Variants in TPX2 observed in about 807,000 individuals in gnomAD.
TPX2 encodes the protein TPX2 microtubule nucleation factor.
In TPX2, 21 loss-of-function variants were observed where a neutral mutation model predicts 93.6. That is an observed-to-expected ratio of 0.22 (90% confidence interval 0.16 to 0.32). The LOEUF is 0.32. TPX2 is among the 10% of genes least tolerant of loss of function. TPX2 has a pLI of 1.00. For synonymous variants in TPX2, 281 were observed against 298.3 expected (o/e 0.94, Z 0.60); for missense variants, 776 against 871.1 (o/e 0.89, Z 1.37).
At position 31,782,678 on chromosome 20, in the gene TPX2, A is replaced by G. The variant is rs551732275; in HGVS notation, c.1196+288A>G. Among the ~76,000 whole-genome samples, 14 of 152,200 alleles carry G rather than the reference A, an allele frequency of 9.2e-5. No homozygotes were observed. The South Asian group carries it at 2.7e-3, about 29-fold the overall frequency. On this transcript the variant is annotated intron_variant, in intron 11 of 17. Coordinates refer to ENST00000300403, the MANE Select transcript of TPX2 (RefSeq NM_012112.5). ...CGAGGCAAGAGGATCACTTGAGTCC[A>G]GGAGTTTGAGACCAGCCTGGGCAAC... is the stretch of plus-strand genomic sequence containing the variant.
intron 2 of TPX2, among the ~76,000 whole-genome samples, chr20:31,752,892 G>A (rs1301522093): frequency 6.6e-6 from 1 of 152,130 alleles, no homozygotes; most frequent in African/African-American, 2.4e-5. Flanking sequence ...GAGGTTACAG[G>A]TGCGAGCCAC....
At chr20:31,793,762 A>G in intron 13 of TPX2, 86 bp from the exon 14 acceptor site, 19 of 1,267,046 alleles carry the variant, frequency 1.5e-5, no homozygotes, top group Non-Finnish European at 2.0e-5. Flanking sequence ...AATGCCACAT[A>G]TTAATATAAT....
intron 2 of TPX2, among the ~76,000 whole-genome samples, chr20:31,743,256 G>A (rs1332773609): frequency 6.6e-6 from 1 of 152,054 alleles, no homozygotes; most frequent in Non-Finnish European, 1.5e-5. Context: ...ATAAAATGAT[G>A]TGTAGTATTT....
chr20:31,788,402 A>G (rs1489539548), intron 12 of TPX2, among the ~76,000 whole-genome samples: 1 of 138,806 alleles, frequency 7.2e-6, no homozygotes, highest in Non-Finnish European at 1.5e-5. Context: ...TGGGCAACAG[A>G]GCGAGACTCT....
intron 15 of TPX2, among the ~76,000 whole-genome samples, chr20:31,796,992 T>C (rs1212616596): frequency 1.3e-5 from 2 of 151,694 alleles, no homozygotes; most frequent in African/African-American, 4.8e-5. Context: ...GTGTTTGGAA[T>C]CTTTTTTTTT....
At chr20:31,773,982 C>T (rs2061980368) in intron 7 of TPX2, among the ~76,000 whole-genome samples, 1 of 148,250 alleles carries the variant, frequency 6.7e-6, no homozygotes, top group Non-Finnish European at 1.5e-5. Flanking sequence ...AGTGATTCTC[C>T]TCCCTCAGCC....
chr20:31,764,196 G>GTC (rs1219220437), intron 4 of TPX2, among the ~76,000 whole-genome samples: 2 of 151,384 alleles, frequency 1.3e-5, no homozygotes, highest in Non-Finnish European at 2.9e-5. Context: ...TTGAGACAGG[G>GTC]TCTCACTCTG....
Position 31,780,565 on chromosome 20 carries a change from A to T in TPX2, c.1054+1581A>T, listed in dbSNP as rs868339609. On this transcript the variant is annotated intron_variant, in intron 10 of 17. Transcript: ENST00000300403. ...AAAGGAAAGAGAAATTATATTATGC[A>T]ATTTTTATTTAAAACTTTGTACAGT... Among the ~76,000 whole-genome samples, 4 of 152,220 alleles carry T rather than the reference A, an allele frequency of 2.6e-5. No homozygotes were observed. The South Asian group carries it at 8.3e-4, about 32-fold the overall frequency.
At chr20:31,797,605 T>C (rs1600396759) in intron 16 of TPX2, 90 bp downstream of exon 16, 2 of 1,171,014 alleles carry the variant, frequency 1.7e-6, no homozygotes, top group Non-Finnish European at 2.5e-6. Flanking sequence ...TACAATGCTG[T>C]GTCAACTAGA....
chr20:31,787,966 T>C (rs2062077190), intron 12 of TPX2, among the ~76,000 whole-genome samples: 1 of 152,192 alleles, frequency 6.6e-6, no homozygotes, highest in Non-Finnish European at 1.5e-5. Context: ...GGGAGGTATG[T>C]ACCTTTTTCA....
Position 31,782,329 on chromosome 20 carries a change from C to T in TPX2, c.1135C>T (p.Arg379Trp), listed in dbSNP as rs764950702. Reference sequence around the variant, plus strand: ...TGTACTGCAAACCAAACACCGTGCACGGGCTGTGACCTGCAAAAGTACAGC... The same window carrying T: ...TGTACTGCAAACCAAACACCGTGCATGGGCTGTGACCTGCAAAAGTACAGC... ...TPVLQTKHRA[R>W]AVTCKSTAEL... The change falls in exon 11 of 18, where the codon CGG becomes TGG. Residue 379 changes from arginine (R) to tryptophan (W), a missense_variant. Around this residue, in one of 3 missense-constraint regions of TPX2, gnomAD observed 461 missense variants for 551.2 expected, o/e 0.84. Transcript: ENST00000300403. 2.5e-5 allele frequency: 41 copies of T among 1,613,684 alleles called. No individual in the cohort carries two copies. The highest frequency in any genetic ancestry group is 1.1e-4 in the South Asian group (10 of 90,942).
intron 5 of TPX2, among the ~76,000 whole-genome samples, chr20:31,769,387 C>T (rs557345051): frequency 2.0e-5 from 3 of 148,544 alleles, no homozygotes; most frequent in Non-Finnish European, 4.4e-5. Context: ...GGTGCGATCT[C>T]GGTTCACTGC....
chr20:31,759,397 T>G (rs999016811), intron 3 of TPX2, among the ~76,000 whole-genome samples: 9 of 95,120 alleles, frequency 9.5e-5, no homozygotes, highest in South Asian at 5.6e-4. Flanking sequence ...TTTTCTTTCG[T>G]TTTTTTTTTT....
chr20:31,768,755 T>C (rs1479058410), intron 5 of TPX2, among the ~76,000 whole-genome samples: 2 of 152,144 alleles, frequency 1.3e-5, no homozygotes, highest in African/African-American at 4.8e-5. Flanking sequence ...TAGTAAAGAA[T>C]TGACAAGCCA....
At chr20:31,773,979 C>G (rs2061980314) in intron 7 of TPX2, among the ~76,000 whole-genome samples, 1 of 148,018 alleles carries the variant, frequency 6.8e-6, no homozygotes, top group Non-Finnish European at 1.5e-5. Flanking sequence ...TCAAGTGATT[C>G]TCCTCCCTCA....
At chr20:31,749,793 C>G (rs1485999344) in intron 2 of TPX2, among the ~76,000 whole-genome samples, 1 of 150,722 alleles carries the variant, frequency 6.6e-6, no homozygotes, top group African/African-American at 2.4e-5. Flanking sequence ...GAAACTCTGT[C>G]TCAAAAAAAA....
intron 10 of TPX2, chr20:31,780,867 T>C (rs1430681170): frequency 1.2e-5 from 4 of 346,064 alleles, no homozygotes; most frequent in South Asian, 2.3e-5. Flanking sequence ...TTTCATAAAA[T>C]TGGGAGTTTT....
chr20:31,746,933 G>A (rs957390680), intron 2 of TPX2, among the ~76,000 whole-genome samples: 2 of 152,082 alleles, frequency 1.3e-5, no homozygotes, highest in Non-Finnish European at 2.9e-5. Flanking sequence ...GTAGAACTCC[G>A]CAGGTCTGTC....
chr20:31,766,455 G>T (rs994167427), intron 4 of TPX2, 101 bp from the exon 5 acceptor site: 1 of 179,454 alleles, frequency 5.6e-6, no homozygotes, highest in Non-Finnish European at 7.9e-6. Context: ...CTTAGACAGG[G>T]TGTGTGTGTG....
Sources: allele counts gnomAD v4.1 joint callset (sites outside exome capture counted in the v4.1 genomes callset), GRCh38; gene constraint gnomAD v4.1.1; regional missense constraint gnomAD v4.1.1; transcripts MANE v1.5; gene names NCBI Gene and HGNC (gene_info 2026-07-23, HGNC 2026-07-21).